The following UBXN8 variants were observed in gnomAD, a reference collection of about 807,000 sequenced individuals.
The protein encoded by UBXN8 is UBX domain protein 8, also known as UBX domain-containing protein 8.
A neutral mutation model predicts 32.1 loss-of-function variants in UBXN8; 27 were observed. The observed-to-expected ratio is 0.84, with a 90% CI of 0.62 to 1.16. UBXN8 has a LOEUF of 1.16. UBXN8 is among the 50% of genes most tolerant of loss of function. UBXN8 has a pLI of 0.00. For missense variants in UBXN8, 306 were observed against 311.4 expected (o/e 0.98, Z 0.13); for synonymous variants, 109 against 111.8 (o/e 0.98, Z 0.16).
upstream of UBXN8, among the ~76,000 whole-genome samples, chr8:30,730,293 C>T (rs770256794): frequency 6.6e-6 from 1 of 152,162 alleles, no homozygotes; most frequent in South Asian, 2.1e-4. Flanking sequence ...TGTGTGCCAG[C>T]CCTTCACCTC....
rs2956016 is a variant in UBXN8, at chr8:30,766,480, T to C, written c.*86T>C. The C allele has an allele frequency of 1, 1,346,059 of 1,351,344 alleles. 670,563 individuals are homozygous for C. Among genetic ancestry groups the C allele is most frequent in the East Asian group, 1 (38,612 of 38,612 alleles). 83.7% of individuals were successfully genotyped at this position (1,351,344 alleles called of 1,614,324 possible). On this transcript the variant is annotated 3_prime_UTR_variant, in exon 8 of 8. Coordinates refer to ENST00000265616, the MANE Select transcript of UBXN8 (RefSeq NM_005671.4). ...TAAAGGCTTCACTTTCAAATCACAC[T>C]ATACCTTGATTGAGCTCATGGCAGT...
At chr8:30,748,240 C>CT (rs1038903195) in intron 1 of UBXN8, among the ~76,000 whole-genome samples, 5 of 151,570 alleles carry the variant, frequency 3.3e-5, no homozygotes, top group African/African-American at 1.2e-4. Flanking sequence ...ATTCTCCTGC[C>CT]TCAGCCTCCT....
chr8:30,758,152 T>C (rs1805713517), intron 5 of UBXN8, among the ~76,000 whole-genome samples: 2 of 152,114 alleles, frequency 1.3e-5, no homozygotes, highest in South Asian at 4.1e-4. Flanking sequence ...CGCCTTGGCC[T>C]CCCAAAGTGC....
intron 1 of UBXN8, among the ~76,000 whole-genome samples, chr8:30,736,927 C>T (rs1036125894): frequency 6.6e-6 from 1 of 152,138 alleles, no homozygotes; most frequent in Non-Finnish European, 1.5e-5. Context: ...GCACCCTTCT[C>T]CCTGTCTCCC....
At position 30,734,684 on chromosome 8, in the gene UBXN8, A is replaced by T. The variant is rs142731942; in HGVS notation, c.622+1376A>T. 4.1e-3 allele frequency among the ~76,000 whole-genome samples: 631 copies of T among 152,266 alleles called. 4 individuals carry two copies. Among genetic ancestry groups the T allele is most frequent in the African/African-American group, 0.014 (601 of 41,548 alleles). ...CCAGGCACAGTGGCTCATGCCTGTA[A>T]TCCCAGCACTCTGGGAAGGGAAGCC... On this transcript the variant is annotated intron_variant, in intron 1 of 1. Coordinates refer to the UBXN8 transcript ENST00000522968.
Position 30,756,657 on chromosome 8 carries a change from C to T in UBXN8, c.406-108C>T. 21 of 1,469,352 alleles carry T rather than the reference C, an allele frequency of 1.4e-5. No individual in the cohort carries two copies. In the East Asian group the frequency reaches 3.7e-4, roughly 26 times the overall value. The allele number at this position is 1,469,352 out of a possible 1,614,324, so 91.0% of individuals were successfully genotyped here. A position where few individuals can be genotyped will look rare whatever the true frequency, so the allele number is the denominator to read the frequency against. ...CTCATAATGGCTTGCTAATATTTTTCTACTGATATGCCATCAGGGTAAAAA... is the reference window on the plus strand; with the variant it reads ...CTCATAATGGCTTGCTAATATTTTTTTACTGATATGCCATCAGGGTAAAAA... On this transcript the variant is annotated intron_variant, in intron 4 of 7. Transcript: ENST00000265616.
chr8:30,741,849 A>G (rs549001709), upstream of UBXN8, among the ~76,000 whole-genome samples: 2 of 152,342 alleles, frequency 1.3e-5, no homozygotes, highest in African/African-American at 4.8e-5. Flanking sequence ...CAGTGAAGAG[A>G]GTTCACAAAC....
At chr8:30,755,760 G>GAAAAAAAAAAAAAAAAAAAA (rs34287599) in intron 4 of UBXN8, among the ~76,000 whole-genome samples, 1 of 88,920 alleles carries the variant, frequency 1.1e-5, no homozygotes, top group Non-Finnish European at 1.9e-5. Context: ...CCTTTCTCCA[G>GAAAAAAAAAAAAAAAAAAAA]AAAAAAAAAA....
intron 2 of UBXN8, among the ~76,000 whole-genome samples, chr8:30,752,762 T>C (rs1328759685): frequency 6.6e-6 from 1 of 152,196 alleles, no homozygotes; most frequent in Non-Finnish European, 1.5e-5. Context: ...ATTTGGTACA[T>C]TGTGTTTTGT....
upstream of UBXN8, among the ~76,000 whole-genome samples, chr8:30,729,270 GC>G (rs1359567865): frequency 6.6e-6 from 1 of 152,230 alleles, no homozygotes; most frequent in Non-Finnish European, 1.5e-5. Flanking sequence ...TGCGTGGCAG[GC>G]CCCCGTGGAG....
chr8:30,744,928 C>T (rs1586092085), intron 1 of UBXN8, among the ~76,000 whole-genome samples: 2 of 152,138 alleles, frequency 1.3e-5, no homozygotes, highest in East Asian at 3.9e-4. Context: ...GTTTATTGAA[C>T]ACCTATTATA....
At chr8:30,758,711 T>C (rs999945166) in intron 5 of UBXN8, among the ~76,000 whole-genome samples, 1 of 152,184 alleles carries the variant, frequency 6.6e-6, no homozygotes, top group Non-Finnish European at 1.5e-5. Context: ...CACTGTCTTA[T>C]GCTGATGGCA....
chr8:30,756,867 G>A lies in UBXN8; in HGVS notation c.508G>A (p.Glu170Lys). ...KPLTEFPSPA[E>K]QPTCKEIPDL... The stretch of plus-strand genomic sequence containing the variant: ...TTTAACTGAATTTCCGTCTCCTGCT[G>A]AACAGCCCACATGCAAGGAGGTAAA... The change falls in exon 5 of 8, where the codon GAA becomes AAA. Residue 170 changes from glutamate to lysine, a missense_variant. Coordinates refer to ENST00000265616, the MANE Select transcript of UBXN8 (RefSeq NM_005671.4). The A allele has an allele frequency of 6.2e-7, 1 of 1,613,980 alleles. No individual in the cohort carries two copies. The highest frequency in any genetic ancestry group is 1.7e-5 in the Admixed American group (1 of 60,006).
chr8:30,751,814 G>GTGTGTT (rs1454799241), intron 2 of UBXN8, among the ~76,000 whole-genome samples: 1 of 151,558 alleles, frequency 6.6e-6, no homozygotes, highest in Non-Finnish European at 1.5e-5. Context: ...ATTTTAAATT[G>GTGTGTT]TGTGTTTGTG....
At chr8:30,741,312 A>G (rs1346095528), upstream of UBXN8, among the ~76,000 whole-genome samples, 1 of 152,110 alleles carries the variant, frequency 6.6e-6, no homozygotes, top group East Asian at 1.9e-4. Context: ...CTTGACCCTG[A>G]GAGGTCAAGG....
In UBXN8 at chr8:30,747,285, A is replaced by G. The variant is rs578151390; in HGVS notation, c.88+3008A>G. Among the ~76,000 whole-genome samples, 33 of 138,134 alleles carry G rather than the reference A, an allele frequency of 2.4e-4. 7 individuals are homozygous for G. The highest frequency in any genetic ancestry group is 3.4e-3 in the Middle Eastern group (1 of 294). The allele number at this position is 138,134 out of a possible 152,430, so 90.6% of individuals were successfully genotyped here. On this transcript the variant is annotated intron_variant, in intron 1 of 7. Transcript: ENST00000265616. Reference sequence around the variant, plus strand: ...AGAACGAACAGCAGTAGTATGGAACATAAATCCCACACCTCAGTGGTGTTT... The same window carrying G: ...AGAACGAACAGCAGTAGTATGGAACGTAAATCCCACACCTCAGTGGTGTTT...
At chr8:30,758,849 A>T (rs1805732487) in intron 5 of UBXN8, among the ~76,000 whole-genome samples, 1 of 150,190 alleles carries the variant, frequency 6.7e-6, no homozygotes. Context: ...GAGTTCCTGG[A>T]GATGAAGTCA....
chr8:30,736,397 G>C (rs1805071090), intron 1 of UBXN8, among the ~76,000 whole-genome samples: 1 of 151,738 alleles, frequency 6.6e-6, no homozygotes, highest in Admixed American at 6.6e-5. Context: ...ATCATAAAAA[G>C]TTTTGGAAAT....
At chr8:30,765,824 A>G (rs1259777293) in intron 7 of UBXN8, among the ~76,000 whole-genome samples, 1 of 151,956 alleles carries the variant, frequency 6.6e-6, no homozygotes, top group African/African-American at 2.4e-5. Context: ...CCTGGCCAAC[A>G]TGGTGGAACC....
Sources: allele counts gnomAD v4.1 joint callset (sites outside exome capture counted in the v4.1 genomes callset), GRCh38; gene constraint gnomAD v4.1.1; transcripts MANE v1.5; gene names NCBI Gene and HGNC (gene_info 2026-07-23, HGNC 2026-07-21).